DENND4C: variants seen among roughly 807,000 people sequenced by gnomAD.
DENND4C encodes the protein DENN domain containing 4C, also known as DENN domain-containing protein 4C.
In DENND4C, 108 loss-of-function variants were observed where a neutral mutation model predicts 203.0. That is an observed-to-expected ratio of 0.53 (90% CI 0.46 to 0.62). The LOEUF is 0.62. DENND4C is among the 20% of genes least tolerant of loss of function. The probability of loss-of-function intolerance (pLI) is 0.00; values close to 1 mark genes in which losing one functional copy is unlikely to be tolerated. For missense variants in DENND4C, 2,481 were observed against 2,301.2 expected, an observed-to-expected ratio of 1.08 and a Z score of -1.60; for synonymous variants, 871 against 792.4, an observed-to-expected ratio of 1.10 and a Z score of -1.67.
chr9:19,296,363 A>ATT, intron 6 of DENND4C, 117 bp downstream of exon 6: 4 of 641,968 alleles, frequency 6.2e-6, no homozygotes, highest in East Asian at 2.9e-5. Context: ...ATTTAACTGA[A>ATT]CTTTTTTTTT....
intron 12 of DENND4C, among the ~76,000 whole-genome samples, chr9:19,320,218 A>G (rs563299804): frequency 1.3e-5 from 2 of 151,610 alleles, no homozygotes; most frequent in Admixed American, 1.3e-4. Context: ...TTTTTTTTAA[A>G]GACAGAGTCT....
chr9:19,313,411 A>G (rs1217214520), intron 10 of DENND4C, among the ~76,000 whole-genome samples: 1 of 152,220 alleles, frequency 6.6e-6, no homozygotes, highest in Non-Finnish European at 1.5e-5. Context: ...ATTGAGTAAC[A>G]GACTAGTTGA....
chr9:19,252,262 G>A (rs912738515), intron 1 of DENND4C, among the ~76,000 whole-genome samples: 3 of 152,126 alleles, frequency 2.0e-5, no homozygotes, highest in African/African-American at 7.2e-5. Flanking sequence ...CAGATCTCGT[G>A]AGACTTATTC....
chr9:19,343,497 G>T (rs77250011), intron 22 of DENND4C, among the ~76,000 whole-genome samples: 3,303 of 152,276 alleles, frequency 0.022, 127 homozygotes, highest in African/African-American at 0.073. Flanking sequence ...TTGTATGACT[G>T]TACAGAAATT....
intron 24 of DENND4C, among the ~76,000 whole-genome samples, 197 bp from the exon 25 acceptor site, chr9:19,351,876 A>T (rs544771811): frequency 6.6e-6 from 1 of 152,290 alleles, no homozygotes; most frequent in Admixed American, 6.5e-5. Context: ...ATAATGAACA[A>T]TCATGTATTT....
At chr9:19,325,079 A>G (rs1346056798) in intron 13 of DENND4C, among the ~76,000 whole-genome samples, 1 of 151,968 alleles carries the variant, frequency 6.6e-6, no homozygotes, top group Non-Finnish European at 1.5e-5. Flanking sequence ...AACTAAGAAC[A>G]TTTTCTTGAG....
At chr9:19,320,695 C>A (rs1246648631) in intron 12 of DENND4C, among the ~76,000 whole-genome samples, 1 of 152,174 alleles carries the variant, frequency 6.6e-6, no homozygotes, top group African/African-American at 2.4e-5. Context: ...CTTCCTATTG[C>A]ATCATCTTAT....
chr9:19,277,098 A>G (rs757570089), intron 2 of DENND4C, among the ~76,000 whole-genome samples: 4 of 152,080 alleles, frequency 2.6e-5, no homozygotes, highest in Non-Finnish European at 4.4e-5. Context: ...TAGAATACCT[A>G]TAACACTTTA....
chr9:19,333,492 C>T (rs1449264941), intron 17 of DENND4C, among the ~76,000 whole-genome samples: 1 of 152,084 alleles, frequency 6.6e-6, no homozygotes, highest in Non-Finnish European at 1.5e-5. Flanking sequence ...CCTCTCTTTC[C>T]CTGCACAGAT....
rs1835326544 is a variant in DENND4C at position 19,286,995 on chromosome 9, G to A, written c.532G>A (p.Val178Ile). The part of the protein sequence containing the change: ...GETPPHTFCK[V>I]DKNLNCGMWG... ...AACTCCTCCTCATACCTTCTGCAAA[G>A]TTGACAAAAACTTAAATTGTGGAAT... The change falls in exon 3 of 33, where the codon GTT becomes ATT. Residue 178 changes from valine to isoleucine, a missense_variant. This residue lies in a region of DENND4C where 2,289 missense variants were observed against 2,113.3 expected (regional missense o/e 1.08). Coordinates refer to ENST00000434457, the MANE Select transcript of DENND4C (RefSeq NM_001330640.2). 12 of 1,231,952 alleles carry A rather than the reference G, an allele frequency of 9.7e-6. No homozygotes were observed. Among genetic ancestry groups the A allele is most frequent in the Non-Finnish European group, 1.2e-5 (12 of 987,938 alleles). The allele number at this position is 1,231,952 out of a possible 1,614,324, so 76.3% of individuals were successfully genotyped here.
At chr9:19,233,802 A>G (rs1821192353) in intron 1 of DENND4C, among the ~76,000 whole-genome samples, 1 of 152,202 alleles carries the variant, frequency 6.6e-6, no homozygotes, top group South Asian at 2.1e-4. Context: ...TATGTTGGCC[A>G]GGTGGCCTGA....
intron 1 of DENND4C, among the ~76,000 whole-genome samples, chr9:19,265,517 A>T (rs917171024): frequency 6.6e-6 from 1 of 151,912 alleles, no homozygotes; most frequent in Non-Finnish European, 1.5e-5. Context: ...GGTTTGTTAC[A>T]TATGTATACA....
intron 1 of DENND4C, among the ~76,000 whole-genome samples, chr9:19,249,548 G>A (rs1014989283): frequency 6.6e-6 from 1 of 152,102 alleles, no homozygotes; most frequent in East Asian, 1.9e-4. Context: ...AAGCCATCGC[G>A]CCTGGCCACC....
chr9:19,302,087 T>C (rs957102787), intron 9 of DENND4C, among the ~76,000 whole-genome samples: 3 of 152,200 alleles, frequency 2.0e-5, no homozygotes, highest in Non-Finnish European at 2.9e-5. Flanking sequence ...TTGGTAATCA[T>C]ATGAAAAATG....
chr9:19,307,383 G>A (rs1472639158), intron 10 of DENND4C, among the ~76,000 whole-genome samples: 5 of 125,462 alleles, frequency 4.0e-5, no homozygotes, highest in South Asian at 2.5e-4. Flanking sequence ...AACAGAGCAA[G>A]ACTCTGTCTC....
chr9:19,352,819 T>A (rs553944678), intron 26 of DENND4C, among the ~76,000 whole-genome samples, 154 bp downstream of exon 26: 8 of 152,114 alleles, frequency 5.3e-5, no homozygotes, highest in African/African-American at 1.9e-4. Flanking sequence ...AATGTGGGAG[T>A]CTACTTTTCC....
chr9:19,317,345 ATTAG>A (rs1203907812), intron 12 of DENND4C, among the ~76,000 whole-genome samples: 7 of 152,082 alleles, frequency 4.6e-5, no homozygotes, highest in Admixed American at 2.6e-4. Context: ...TGGCTTTACA[ATTAG>A]TTTGTGCAAT....
At chr9:19,240,802 A>C (rs10120868) in intron 1 of DENND4C, among the ~76,000 whole-genome samples, 2,046 of 152,170 alleles carry the variant, frequency 0.013, 41 homozygotes, top group African/African-American at 0.047. Context: ...CTGTGTCTCT[A>C]CTAAAAACTC....
chr9:19,291,272 C>T (rs76964159), intron 5 of DENND4C: 3,298 of 156,350 alleles, frequency 0.021, 126 homozygotes, highest in African/African-American at 0.074. Context: ...TTGAGATGAC[C>T]TAAGAACTAA....
Sources: allele counts gnomAD v4.1 joint callset (sites outside exome capture counted in the v4.1 genomes callset), GRCh38; gene constraint gnomAD v4.1.1; regional missense constraint gnomAD v4.1.1; transcripts MANE v1.5; gene names NCBI Gene and HGNC (gene_info 2026-07-23, HGNC 2026-07-21).